The following KCNQ5 variants were observed in gnomAD, a reference collection of about 807,000 sequenced individuals.
KCNQ5 encodes the protein potassium voltage-gated channel subfamily KQT member 5.
A neutral mutation model predicts 98.2 loss-of-function variants in KCNQ5; 30 were observed. The observed-to-expected ratio is 0.31, with a 90% CI of 0.23 to 0.41. The LOEUF is 0.41. KCNQ5 is among the 10% of genes least tolerant of loss of function. The pLI is 1.00. For synonymous variants in KCNQ5, 458 were observed against 449.4 expected (o/e 1.02, Z -0.24); for missense variants, 835 against 1,182.5 (o/e 0.71, Z 4.31).
chr6:73,194,581 G>A lies in KCNQ5; in HGVS notation c.1966G>A (p.Asp656Asn). 6.2e-7 allele frequency: 1 copy of A among 1,614,172 alleles called. No homozygotes were observed. Among genetic ancestry groups the A allele is most frequent in the Non-Finnish European group, 8.5e-7 (1 of 1,180,038 alleles). Residue 656 changes from aspartate (D) to asparagine (N), a missense_variant, in exon 14 of 14, where the codon GAC becomes AAC. Asp to Asn is a conservative substitution (Grantham distance 23, BLOSUM62 1). Coordinates refer to ENST00000370398, the MANE Select transcript of KCNQ5 (RefSeq NM_019842.4). The part of the protein sequence containing the change: ...IPPFECEQTS[D>N]YQSPVDSKDL... ...ACCTTTTGAATGTGAACAGACATCT[G>A]ACTATCAAAGCCCTGTGGATAGCAA...
intron 6 of KCNQ5, among the ~76,000 whole-genome samples, chr6:73,106,177 C>T (rs1774991519): frequency 1.3e-5 from 2 of 152,140 alleles, no homozygotes; most frequent in Non-Finnish European, 2.9e-5. Flanking sequence ...GAGCACCTCT[C>T]CAAAGCTCTT....
intron 1 of KCNQ5, among the ~76,000 whole-genome samples, chr6:72,773,336 A>G (rs1343300368): frequency 1.3e-5 from 2 of 152,174 alleles, no homozygotes; most frequent in South Asian, 2.1e-4. Flanking sequence ...GTGCAGGGAC[A>G]TGGATGAAGC....
intron 1 of KCNQ5, among the ~76,000 whole-genome samples, chr6:72,649,119 T>C (rs1765749090): frequency 6.6e-6 from 1 of 152,142 alleles, no homozygotes; most frequent in South Asian, 2.1e-4. Context: ...TGCTCGCAGA[T>C]GTGCAACTGT....
intron 9 of KCNQ5, 35 bp downstream of exon 9, chr6:73,124,547 T>C (rs1486042834): frequency 6.3e-7 from 1 of 1,591,226 alleles, no homozygotes; most frequent in African/African-American, 1.3e-5. Flanking sequence ...TGTTTGTTTA[T>C]AAATCTGATA....
At chr6:73,145,861 A>G (rs1194799155) in intron 10 of KCNQ5, among the ~76,000 whole-genome samples, 2 of 152,198 alleles carry the variant, frequency 1.3e-5, no homozygotes, top group African/African-American at 4.8e-5. Context: ...GCCTCAAGAA[A>G]CTTACAGTCA....
intron 1 of KCNQ5, among the ~76,000 whole-genome samples, chr6:72,806,056 G>A (rs1197089838): frequency 6.6e-6 from 1 of 152,112 alleles, no homozygotes; most frequent in African/African-American, 2.4e-5. Flanking sequence ...GAGACCTGAA[G>A]AAAGTGGAGC....
chr6:72,627,393 C>A (rs2098918485), intron 1 of KCNQ5, among the ~76,000 whole-genome samples: 1 of 152,130 alleles, frequency 6.6e-6, no homozygotes, highest in South Asian at 2.1e-4. Context: ...AGCTTTACAG[C>A]AACCCAAAGG....
intron 1 of KCNQ5, among the ~76,000 whole-genome samples, chr6:72,668,525 A>C (rs1766940412): frequency 6.6e-6 from 1 of 152,070 alleles, no homozygotes. Flanking sequence ...TGTGAGCATA[A>C]CATGAACTAG....
chr6:72,708,977 A>G (rs921648020), intron 1 of KCNQ5, among the ~76,000 whole-genome samples: 7 of 152,188 alleles, frequency 4.6e-5, no homozygotes, highest in African/African-American at 1.7e-4. Context: ...AAACTTTGCA[A>G]ATATGATATA....
At chr6:72,785,662 AC>A (rs1430096821) in intron 1 of KCNQ5, among the ~76,000 whole-genome samples, 3 of 146,014 alleles carry the variant, frequency 2.1e-5, no homozygotes, top group South Asian at 2.2e-4. Context: ...AAAAAAAAAA[AC>A]AAAAACAAAC....
intron 1 of KCNQ5, among the ~76,000 whole-genome samples, chr6:72,783,577 G>A (rs1582281416): frequency 1.3e-5 from 2 of 152,136 alleles, no homozygotes; most frequent in East Asian, 3.8e-4. Flanking sequence ...AAACAAGAGA[G>A]GCTTATTTCA....
intron 1 of KCNQ5, among the ~76,000 whole-genome samples, chr6:72,769,982 A>G (rs956731019): frequency 6.6e-6 from 1 of 152,114 alleles, no homozygotes; most frequent in African/African-American, 2.4e-5. Flanking sequence ...GGGCTTGCCT[A>G]GAGTAGATCT....
chr6:73,063,934 G>A (rs904867789), intron 3 of KCNQ5, among the ~76,000 whole-genome samples: 1 of 152,148 alleles, frequency 6.6e-6, no homozygotes, highest in African/African-American at 2.4e-5. Context: ...CTAAGGATTA[G>A]CCAAGTGCCT....
chr6:72,971,369 A>G (rs1767888497), intron 1 of KCNQ5, among the ~76,000 whole-genome samples: 1 of 152,152 alleles, frequency 6.6e-6, no homozygotes, highest in Admixed American at 6.6e-5. Flanking sequence ...AGGATGTGGA[A>G]AAACAGGAAC....
At chr6:72,668,182 A>T (rs1052019156) in intron 1 of KCNQ5, among the ~76,000 whole-genome samples, 3 of 152,144 alleles carry the variant, frequency 2.0e-5, no homozygotes, top group Admixed American at 1.3e-4. Context: ...AGGGTGTACA[A>T]TTTTTGCCTC....
At chr6:73,056,715 G>T (rs1304446034) in intron 3 of KCNQ5, among the ~76,000 whole-genome samples, 2 of 152,088 alleles carry the variant, frequency 1.3e-5, no homozygotes, top group Non-Finnish European at 2.9e-5. Flanking sequence ...GAGCATAACT[G>T]TACTAAATCC....
At chr6:72,915,436 T>TA (rs922641909) in intron 1 of KCNQ5, among the ~76,000 whole-genome samples, 154 of 150,482 alleles carry the variant, frequency 1.0e-3, no homozygotes, top group African/African-American at 3.3e-3. Context: ...TTTGTTCTTT[T>TA]AAAAAAAAAA....
rs1772273073 is a variant in KCNQ5, at chr6:72,761,515, G to C, written c.398+138928G>C. 2.0e-5 allele frequency among the ~76,000 whole-genome samples: 3 copies of C among 151,292 alleles called. 1 individual carries two copies. The highest frequency in any genetic ancestry group is 7.3e-5 in the African/African-American group (3 of 41,230). The stretch of plus-strand genomic sequence containing the variant: ...AAGTAATAATTAACATATGTACATG[G>C]TTCTTAATAACCTACTAAACACTTC... On this transcript the variant is annotated intron_variant, in intron 1 of 13. Transcript: ENST00000370398.
In KCNQ5 at chr6:73,037,938, T is replaced by G. The variant is rs1028546246; in HGVS notation, c.490-3998T>G. Among the ~76,000 whole-genome samples the G allele has an allele frequency of 2.0e-5, 3 of 152,102 alleles. No homozygotes were observed. The South Asian group carries it at 6.2e-4, about 32-fold the overall frequency. On this transcript the variant is annotated intron_variant, in intron 2 of 13. Coordinates refer to ENST00000370398, the MANE Select transcript of KCNQ5 (RefSeq NM_019842.4). ...ACTTTGCTGAGATTTTGACAGGAAT[T>G]TTATTAGACCTGTAGATCAATTTGG...
Sources: allele counts gnomAD v4.1 joint callset (sites outside exome capture counted in the v4.1 genomes callset), GRCh38; gene constraint gnomAD v4.1.1; transcripts MANE v1.5; gene names NCBI Gene and HGNC (gene_info 2026-07-23, HGNC 2026-07-21).